SHISA9: variants seen among roughly 807,000 people sequenced by gnomAD.
The protein encoded by SHISA9 is shisa family member 9, also known as protein shisa-9.
In SHISA9, 13 loss-of-function variants were observed where a neutral mutation model predicts 38.0. That is an observed-to-expected ratio of 0.34 (90% CI 0.22 to 0.54). SHISA9 has a LOEUF of 0.54. SHISA9 is among the 20% of genes least tolerant of loss of function. The pLI, the probability that SHISA9 is intolerant of heterozygous loss-of-function variation, is 0.91. For synonymous variants in SHISA9, 275 were observed against 242.0 expected (o/e 1.14, Z -1.27); for missense variants, 538 against 575.8 (o/e 0.93, Z 0.67).
chr16:13,490,701 C>G, the SHISA9 span, among the ~76,000 whole-genome samples: 20 of 152,314 alleles, frequency 1.3e-4, no homozygotes, highest in East Asian at 5.8e-4. Context: ...TATTGATCCA[C>G]TCGAGCTCTT....
intron 2 of SHISA9, among the ~76,000 whole-genome samples, chr16:12,928,246 A>G (rs1386571166): frequency 6.6e-6 from 1 of 152,014 alleles, no homozygotes; most frequent in Non-Finnish European, 1.5e-5. Flanking sequence ...TTCTTAATGA[A>G]TGAGTATTTA....
chr16:13,515,138 G>A, the SHISA9 span, among the ~76,000 whole-genome samples: 6 of 152,120 alleles, frequency 3.9e-5, no homozygotes, highest in Non-Finnish European at 8.8e-5. Context: ...AGGAGGATAT[G>A]GGAAATGTCT....
chr16:13,009,201 C>T (rs2072639894), intron 2 of SHISA9, among the ~76,000 whole-genome samples: 1 of 151,970 alleles, frequency 6.6e-6, no homozygotes, highest in African/African-American at 2.4e-5. Context: ...AAAGTTTCAG[C>T]ACAGATCTTC....
chr16:13,472,517 C>T, the SHISA9 span, among the ~76,000 whole-genome samples: 1 of 150,466 alleles, frequency 6.6e-6, no homozygotes. Flanking sequence ...TCAGCCTTCC[C>T]AGCAGCTGGG....
At chr16:13,068,684 C>A (rs1381315676) in intron 2 of SHISA9, among the ~76,000 whole-genome samples, 1 of 152,196 alleles carries the variant, frequency 6.6e-6, no homozygotes, top group East Asian at 1.9e-4. Context: ...GCCTAGCATC[C>A]CCTGCAACCT....
chr16:13,440,577 C>T, the SHISA9 span, among the ~76,000 whole-genome samples: 1 of 152,178 alleles, frequency 6.6e-6, no homozygotes, highest in Non-Finnish European at 1.5e-5. Context: ...CTGCTCTGAG[C>T]TTCTTTTCTA....
chr16:13,391,020 G>A, the SHISA9 span, among the ~76,000 whole-genome samples: 4 of 152,134 alleles, frequency 2.6e-5, no homozygotes, highest in Non-Finnish European at 2.9e-5. Flanking sequence ...AAAGAAAAGG[G>A]GAGACAACAT....
chr16:13,370,372 C>A, the SHISA9 span, among the ~76,000 whole-genome samples: 1 of 152,224 alleles, frequency 6.6e-6, no homozygotes, highest in South Asian at 2.1e-4. Context: ...AAACAAAGGT[C>A]CTGGAACAAG....
chr16:13,232,402 C>T (rs984698575), intron 4 of SHISA9, among the ~76,000 whole-genome samples: 1 of 152,128 alleles, frequency 6.6e-6, no homozygotes, highest in African/African-American at 2.4e-5. Context: ...GTAACCTGCA[C>T]GTTCTGCACA....
At chr16:12,924,295 T>C (rs2071367142) in intron 2 of SHISA9, among the ~76,000 whole-genome samples, 1 of 152,218 alleles carries the variant, frequency 6.6e-6, no homozygotes, top group Non-Finnish European at 1.5e-5. Context: ...TTCATCCCTG[T>C]ATTGCCAATG....
the SHISA9 span, among the ~76,000 whole-genome samples, chr16:13,273,883 A>G: frequency 9.6e-3 from 1,469 of 152,294 alleles, 25 homozygotes; most frequent in African/African-American, 0.033. Context: ...TGTATCTGGA[A>G]TCGGAAATCA....
intron 2 of SHISA9, among the ~76,000 whole-genome samples, chr16:13,051,999 G>C (rs953108100): frequency 6.6e-6 from 1 of 152,088 alleles, no homozygotes; most frequent in Non-Finnish European, 1.5e-5. Context: ...TCCTGACCTC[G>C]TGATCCGCCT....
At chr16:13,339,350 A>G in the SHISA9 span, among the ~76,000 whole-genome samples, 1 of 152,150 alleles carries the variant, frequency 6.6e-6, no homozygotes, top group Non-Finnish European at 1.5e-5. Flanking sequence ...AGAGAGGATG[A>G]TAAGACGTTG....
chr16:13,495,293 C>T, the SHISA9 span, among the ~76,000 whole-genome samples: 2 of 152,030 alleles, frequency 1.3e-5, no homozygotes, highest in Non-Finnish European at 2.9e-5. Context: ...GGTCAATTTC[C>T]TAGTTTTGAT....
chr16:13,096,705 T>C (rs9938145), intron 2 of SHISA9, among the ~76,000 whole-genome samples: 7,953 of 152,290 alleles, frequency 0.052, 346 homozygotes, highest in Admixed American at 0.14. Context: ...GTTTAATTCA[T>C]TGAACCTTTA....
chr16:13,019,935 CTTTCTTTCTTTCTTTCTTTCTT>C (rs2072824365), intron 2 of SHISA9, among the ~76,000 whole-genome samples: 1 of 92,102 alleles, frequency 1.1e-5, no homozygotes, highest in African/African-American at 3.7e-5. Flanking sequence ...TTCTTTCTTT[CTTTCTTTCTTTCTTTCTTTCTT>C]TCCCTCCTTC....
chr16:13,324,495 C>G, the SHISA9 span, among the ~76,000 whole-genome samples: 1 of 152,076 alleles, frequency 6.6e-6, no homozygotes, highest in African/African-American at 2.4e-5. Flanking sequence ...CAAATCCTAG[C>G]TCTACTACTC....
At chr16:13,328,648 T>C in the SHISA9 span, among the ~76,000 whole-genome samples, 1 of 151,422 alleles carries the variant, frequency 6.6e-6, no homozygotes, top group African/African-American at 2.4e-5. Context: ...ATATATTGTA[T>C]TTTTATCAGA....
the SHISA9 span, among the ~76,000 whole-genome samples, chr16:13,500,031 A>T: frequency 6.6e-6 from 1 of 152,256 alleles, no homozygotes; most frequent in African/African-American, 2.4e-5. Flanking sequence ...TAGATGCTTG[A>T]TGTGGCTTGG....
Sources: allele counts gnomAD v4.1 joint callset (sites outside exome capture counted in the v4.1 genomes callset), GRCh38; gene constraint gnomAD v4.1.1; transcripts MANE v1.5; gene names NCBI Gene and HGNC (gene_info 2026-07-23, HGNC 2026-07-21).